DYM: variants seen among roughly 807,000 people sequenced by gnomAD.
DYM encodes dyggve-Melchior-Clausen syndrome protein.
A neutral mutation model predicts 93.1 loss-of-function variants in DYM; 78 were observed. The ratio of observed to expected loss-of-function variants is 0.84; its 90% CI spans 0.70 to 1.01. The LOEUF (loss-of-function observed/expected upper bound fraction) is 1.01, where lower values mean the gene tolerates loss of function less well. Among genes scored for constraint, DYM ranks in the 50% least tolerant of loss-of-function variants. The pLI is 0.00. For missense variants in DYM, 789 were observed against 845.0 expected, an observed-to-expected ratio of 0.93 and a Z score of 0.82; for synonymous variants, 321 against 319.7, an observed-to-expected ratio of 1.00 and a Z score of -0.04.
chr18:49,313,457 T>G (rs2061723054), intron 8 of DYM, among the ~76,000 whole-genome samples: 1 of 47,034 alleles, frequency 2.1e-5, no homozygotes, highest in Admixed American at 4.0e-4. Context: ...AGCAAGACTC[T>G]GTCACAAAAA....
intron 14 of DYM, among the ~76,000 whole-genome samples, chr18:49,200,430 ATAAC>A (rs1467425121): frequency 6.6e-6 from 1 of 151,896 alleles, no homozygotes; most frequent in Non-Finnish European, 1.5e-5. Context: ...TATATCAAAT[ATAAC>A]TACTAAAAAT....
At chr18:49,138,933 G>A (rs2084145693) in intron 15 of DYM, among the ~76,000 whole-genome samples, 1 of 152,064 alleles carries the variant, frequency 6.6e-6, no homozygotes, top group Non-Finnish European at 1.5e-5. Flanking sequence ...CCAGAAATAG[G>A]AGAAAAGGCC....
chr18:49,312,097 G>T (rs1432986925), intron 8 of DYM, among the ~76,000 whole-genome samples: 6 of 152,150 alleles, frequency 3.9e-5, no homozygotes, highest in African/African-American at 1.4e-4. Context: ...TATTGCTTAT[G>T]TTGATGCACT....
At chr18:49,314,617 G>A (rs892140902) in intron 8 of DYM, among the ~76,000 whole-genome samples, 2 of 152,222 alleles carry the variant, frequency 1.3e-5, no homozygotes, top group Admixed American at 1.3e-4. Context: ...TAATTTAAAT[G>A]TAACATTCAT....
intron 2 of DYM, among the ~76,000 whole-genome samples, chr18:49,400,313 C>G (rs756484840): frequency 1.2e-4 from 19 of 152,076 alleles, no homozygotes; most frequent in Non-Finnish European, 2.2e-4. Context: ...TCAGAATTAT[C>G]TGGAAAGCTC....
rs777841612 is a variant in DYM, at chr18:49,305,720, C to T, written c.764-19104G>A. ...CAGTGTACAAATATGTAAAAATTTC[C>T]GATCAAAAACAAAAATAAAAAACCT... On this transcript the variant is annotated intron_variant, in intron 8 of 17. Coordinates refer to ENST00000675505, the MANE Select transcript of DYM (RefSeq NM_001353214.3). Among the ~76,000 whole-genome samples the T allele has an allele frequency of 2.6e-5, 4 of 152,008 alleles. No individual in the cohort carries two copies. In the East Asian group the frequency reaches 5.8e-4, roughly 22 times the overall value.
At chr18:49,145,284 A>C (rs1488438389) in intron 15 of DYM, among the ~76,000 whole-genome samples, 5 of 151,530 alleles carry the variant, frequency 3.3e-5, no homozygotes, top group African/African-American at 4.8e-5. Flanking sequence ...ATTAGTAAAA[A>C]CTATTTTTTC....
chr18:49,142,523 T>G (rs2084634404), intron 15 of DYM, among the ~76,000 whole-genome samples: 1 of 152,226 alleles, frequency 6.6e-6, no homozygotes, highest in African/African-American at 2.4e-5. Context: ...ATTACATTAC[T>G]CATGTATTGA....
chr18:49,186,315 A>G (rs552690948), intron 14 of DYM, among the ~76,000 whole-genome samples: 5 of 152,304 alleles, frequency 3.3e-5, no homozygotes, highest in South Asian at 4.1e-4. Context: ...GGCTCTCAAC[A>G]TTTAAAGCAC....
intron 11 of DYM, among the ~76,000 whole-genome samples, chr18:49,266,093 C>G (rs1357608853): frequency 1.3e-5 from 2 of 151,800 alleles, no homozygotes; most frequent in Non-Finnish European, 1.5e-5. Flanking sequence ...CAGAGTGAGA[C>G]TCTGTCTCAA....
intron 17 of DYM, among the ~76,000 whole-genome samples, chr18:49,057,399 C>T (rs540146443): frequency 1.3e-5 from 2 of 152,348 alleles, no homozygotes; most frequent in East Asian, 3.9e-4. Flanking sequence ...GGCAGGGCCA[C>T]AGACGAGCAT....
chr18:49,060,019 T>C lies in DYM; in HGVS notation c.2026-15815A>G, dbSNP rs537879059. On this transcript the variant is annotated intron_variant, in intron 17 of 17. Coordinates refer to ENST00000675505, the MANE Select transcript of DYM (RefSeq NM_001353214.3). ...CGTTTTGTACCATAAAAGCATTTAATAAAAATATGAAATATGGTCCCTGCC... is the reference window on the plus strand; with the variant it reads ...CGTTTTGTACCATAAAAGCATTTAACAAAAATATGAAATATGGTCCCTGCC... Among the ~76,000 whole-genome samples the C allele has an allele frequency of 9.2e-5, 14 of 152,264 alleles. 1 individual carries two copies. The East Asian group carries it at 2.3e-3, about 25-fold the overall frequency.
At chr18:49,265,395 C>T (rs1251925687) in intron 11 of DYM, among the ~76,000 whole-genome samples, 1 of 152,122 alleles carries the variant, frequency 6.6e-6, no homozygotes, top group East Asian at 1.9e-4. Flanking sequence ...CTTCTTCTGA[C>T]TAAATAGTGG....
chr18:49,097,165 T>C (rs575068824), intron 17 of DYM: 1 of 571,978 alleles, frequency 1.7e-6, no homozygotes, highest in Non-Finnish European at 3.1e-6. Flanking sequence ...AGGTGTCCTT[T>C]TATTAACAGT....
rs149179189 is a variant in DYM, at chr18:49,123,647, G to C, written c.1729-4721C>G. ...TCTGCTTCTGTTCCATCAAGAAATA[G>C]CTGTCTCATTTTGGGATTTGGCTAT... On this transcript the variant is annotated intron_variant, in intron 15 of 17. Coordinates refer to ENST00000675505, the MANE Select transcript of DYM (RefSeq NM_001353214.3). 5.5e-4 allele frequency among the ~76,000 whole-genome samples: 84 copies of C among 152,250 alleles called. 2 individuals carry two copies. In the East Asian group the frequency reaches 0.015, roughly 28 times the overall value.
Position 49,220,514 on chromosome 18 carries a change from G to T in DYM, c.1461-10799C>A, listed in dbSNP as rs1292330748. Among the ~76,000 whole-genome samples the T allele has an allele frequency of 4.7e-3, 708 of 150,620 alleles. 5 individuals are homozygous for T. The highest frequency in any genetic ancestry group is 0.016 in the African/African-American group (671 of 40,982). On this transcript the variant is annotated intron_variant, in intron 13 of 17. Transcript: ENST00000675505. ...ACCTGACTTCAAACTATACTACAAG[G>T]CTACAGTAACCAAAACAGCATGGTA...
chr18:49,322,347 GA>G (rs2062549775), intron 8 of DYM, among the ~76,000 whole-genome samples: 1 of 152,034 alleles, frequency 6.6e-6, no homozygotes, highest in Non-Finnish European at 1.5e-5. Flanking sequence ...TTCAAAATAT[GA>G]AATAATTATA....
At chr18:49,080,559 C>T (rs2077836148) in intron 17 of DYM, among the ~76,000 whole-genome samples, 1 of 140,232 alleles carries the variant, frequency 7.1e-6, no homozygotes, top group Non-Finnish European at 1.6e-5. Context: ...CGCCCCTCAC[C>T]TCCCGGACGG....
intron 5 of DYM, among the ~76,000 whole-genome samples, chr18:49,373,748 A>G (rs1048900289): frequency 6.6e-6 from 1 of 152,174 alleles, no homozygotes; most frequent in Non-Finnish European, 1.5e-5. Context: ...AAATATGCAC[A>G]TTTTGTAGGA....
Sources: gnomAD v4.1 joint callset for allele counts (sites outside exome capture counted in the v4.1 genomes callset) on GRCh38, gnomAD v4.1.1 for gene constraint, MANE v1.5 for transcripts, NCBI Gene and HGNC (gene_info 2026-07-23, HGNC 2026-07-21) for gene names.